Variants in CRTC1 observed in about 807,000 individuals in gnomAD.
The protein encoded by CRTC1 is CREB regulated transcription coactivator 1.
CRTC1 carries 18 observed loss-of-function variants against 66.1 expected under a neutral mutation model. The ratio of observed to expected loss-of-function variants is 0.27; its 90% CI spans 0.19 to 0.40. CRTC1 has a LOEUF of 0.40. Among genes scored for constraint, CRTC1 ranks in the 10% least tolerant of loss-of-function variants. The probability of loss-of-function intolerance (pLI) is 1.00; values close to 1 mark genes in which losing one functional copy is unlikely to be tolerated. For synonymous variants in CRTC1, 416 were observed against 398.8 expected, an observed-to-expected ratio of 1.04 and a Z score of -0.51; for missense variants, 669 against 887.9, an observed-to-expected ratio of 0.75 and a Z score of 3.13.
chr19:18,707,615 A>AT (rs36035346), intron 1 of CRTC1, among the ~76,000 whole-genome samples: 12,533 of 152,030 alleles, frequency 0.082, 713 homozygotes, highest in Non-Finnish European at 0.12. Context: ...TTTAGGGTGG[A>AT]TTTTTTTCTA....
rs574050830 is a variant in CRTC1 at position 18,771,962 on chromosome 19, C to G, written c.1425+416C>G. 6.6e-6 allele frequency among the ~76,000 whole-genome samples: 1 copy of G among 152,328 alleles called. No individual in the cohort carries two copies. The highest frequency in any genetic ancestry group is 6.5e-5 in the Admixed American group (1 of 15,308). On this transcript the variant is annotated intron_variant, in intron 11 of 13. Coordinates refer to ENST00000321949, the MANE Select transcript of CRTC1 (RefSeq NM_015321.3). This position sits in a 1 kb window ranked among gnomAD's most constrained non-coding sequence, Gnocchi z 4.6. ...GGCTGGCCCGCCCGCAGGGAAGGCG[C>G]TGACTCTGCAGCCCTGCTTTCCCCT...
At chr19:18,759,956 G>GCCAGCCCCCTGTTCCCGCCA in intron 7 of CRTC1, 52 bp from the exon 8 acceptor site, 1 of 1,221,322 alleles carries the variant, frequency 8.2e-7, no homozygotes, top group South Asian at 1.4e-5. Flanking sequence ...TGTCCCCGCC[G>GCCAGCCCCCTGTTCCCGCCA]CCAGCCCCGC....
chr19:18,690,856 T>C (rs1315774406), intron 1 of CRTC1, among the ~76,000 whole-genome samples: 2 of 151,760 alleles, frequency 1.3e-5, no homozygotes, highest in African/African-American at 4.8e-5. Flanking sequence ...AAGCCCCGTC[T>C]CTACTAAAAA....
intron 2 of CRTC1, among the ~76,000 whole-genome samples, chr19:18,743,792 C>T (rs556575042): frequency 1.1e-3 from 162 of 152,376 alleles, no homozygotes; most frequent in African/African-American, 3.8e-3. Context: ...CTGGCCACCA[C>T]GGTGCGCCTC....
chr19:18,748,664 TAC>T (rs1179175149), intron 4 of CRTC1, among the ~76,000 whole-genome samples: 1 of 147,906 alleles, frequency 6.8e-6, no homozygotes, highest in African/African-American at 2.5e-5. Flanking sequence ...CATGCCACTG[TAC>T]ACCAGCCTGG....
rs1036402719 is a variant in CRTC1 at position 18,719,491 on chromosome 19, G to C, written c.127-23419G>C. On this transcript the variant is annotated intron_variant, in intron 1 of 13. Coordinates refer to ENST00000321949, the MANE Select transcript of CRTC1 (RefSeq NM_015321.3). ...TCCAAATCACAAAATGACTTTTGGT[G>C]TTATGTAACTCCATAGTCAAGCTAT... Among the ~76,000 whole-genome samples, 3 of 152,348 alleles carry C rather than the reference G, an allele frequency of 2.0e-5. No individual in the cohort carries two copies. The South Asian group carries it at 6.2e-4, about 32-fold the overall frequency.
intron 2 of CRTC1, among the ~76,000 whole-genome samples, 178 bp downstream of exon 2, chr19:18,743,204 C>T (rs2054148931): frequency 6.6e-6 from 1 of 152,248 alleles, no homozygotes; most frequent in South Asian, 2.1e-4. Flanking sequence ...CACCAGGGTG[C>T]CCCCGCAGCC....
intron 7 of CRTC1, 60 bp from the exon 8 acceptor site, chr19:18,759,948 T>TCCCCCCCCCCC: frequency 7.5e-7 from 1 of 1,328,594 alleles, no homozygotes; most frequent in Non-Finnish European, 1.0e-6. Context: ...CAGCCCCCTG[T>TCCCCCCCCCCC]CCCCGCCGCC....
chr19:18,760,260 G>A lies in CRTC1; in HGVS notation c.886+32G>A, dbSNP rs1467865250. On this transcript the variant is annotated intron_variant, in intron 8 of 13. Coordinates refer to ENST00000321949, the MANE Select transcript of CRTC1 (RefSeq NM_015321.3). The surrounding 1 kb of genome is among the most constrained non-coding windows in gnomAD (Gnocchi z 6.2). The stretch of plus-strand genomic sequence containing the variant: ...CAGGGACACTCCGCCCTCGGACAGA[G>A]CACTGGCTTGTGGAGACAACACGGG... 2.0e-6 allele frequency: 3 copies of A among 1,515,210 alleles called. No homozygotes were observed. Among genetic ancestry groups the A allele is most frequent in the East Asian group, 2.4e-5 (1 of 41,218 alleles). 93.9% of individuals were successfully genotyped at this position (1,515,210 alleles called of 1,614,324 possible).
intron 6 of CRTC1, among the ~76,000 whole-genome samples, chr19:18,758,734 G>A (rs1035246325): frequency 6.6e-6 from 1 of 152,200 alleles, no homozygotes; most frequent in African/African-American, 2.4e-5. Flanking sequence ...AGGGCATCAG[G>A]TCCAAGCTTC....
chr19:18,712,483 C>T (rs2053414355), intron 1 of CRTC1, among the ~76,000 whole-genome samples: 1 of 151,474 alleles, frequency 6.6e-6, no homozygotes. Flanking sequence ...TGGTCTAGAA[C>T]TCCTGACCTC....
chr19:18,767,781 A>G (rs920563971), intron 9 of CRTC1, among the ~76,000 whole-genome samples: 1 of 152,096 alleles, frequency 6.6e-6, no homozygotes, highest in African/African-American at 2.4e-5. Context: ...TCTCTTCACA[A>G]ATGACCCACT....
intron 1 of CRTC1, among the ~76,000 whole-genome samples, chr19:18,739,987 T>A (rs1003076149): frequency 6.6e-5 from 10 of 152,094 alleles, no homozygotes; most frequent in Non-Finnish European, 1.3e-4. Flanking sequence ...GTGTGGTGGC[T>A]CACACCTGTA....
chr19:18,752,241 G>A (rs2054380611), intron 5 of CRTC1, among the ~76,000 whole-genome samples: 1 of 152,118 alleles, frequency 6.6e-6, no homozygotes, highest in Admixed American at 6.5e-5. Flanking sequence ...GTAGCCTGAC[G>A]CCTCTGAGGC....
rs139988956 is a variant in CRTC1, at chr19:18,760,246, C to T, written c.886+18C>T. ...CGGCCAGGGTAAGGCAGGGACACTC[C>T]GCCCTCGGACAGAGCACTGGCTTGT... On this transcript the variant is annotated intron_variant, in intron 8 of 13. Transcript: ENST00000321949. This position sits in a 1 kb window ranked among gnomAD's most constrained non-coding sequence, Gnocchi z 6.2. The T allele has an allele frequency of 1.3e-4, 209 of 1,554,378 alleles. No homozygotes were observed. The East Asian group carries it at 1.5e-3, about 11-fold the overall frequency.
At position 18,760,885 on chromosome 19, in the gene CRTC1, G is replaced by A. The variant is rs1402350162; in HGVS notation, c.886+657G>A. Among the ~76,000 whole-genome samples, 1 of 151,860 alleles carries A rather than the reference G, an allele frequency of 6.6e-6. No individual in the cohort carries two copies. Among genetic ancestry groups the A allele is most frequent in the Non-Finnish European group, 1.5e-5 (1 of 67,932 alleles). On this transcript the variant is annotated intron_variant, in intron 8 of 13. Coordinates refer to ENST00000321949, the MANE Select transcript of CRTC1 (RefSeq NM_015321.3). This position sits in a 1 kb window ranked among gnomAD's most constrained non-coding sequence, Gnocchi z 6.2. ...GCGTGTCCTGTCGGTTCCGCCCTCAGGACCTGGCCTGACCTGGCTCCTCTC... is the reference window on the plus strand; with the variant it reads ...GCGTGTCCTGTCGGTTCCGCCCTCAAGACCTGGCCTGACCTGGCTCCTCTC...
intron 11 of CRTC1, among the ~76,000 whole-genome samples, chr19:18,773,642 G>A (rs1026723520): frequency 2.0e-5 from 3 of 152,190 alleles, no homozygotes; most frequent in Non-Finnish European, 2.9e-5. Context: ...GCAAGCTTGC[G>A]GTCCTTGTTT....
At position 18,777,459 on chromosome 19, in the gene CRTC1, T is replaced by C. The variant is rs1382341170; in HGVS notation, c.*77T>C. 2 of 1,321,800 alleles carry C rather than the reference T, an allele frequency of 1.5e-6. No homozygotes were observed. The highest frequency in any genetic ancestry group is 1.2e-5 in the South Asian group (1 of 85,218). The allele number at this position is 1,321,800 out of a possible 1,614,324, so 81.9% of individuals were successfully genotyped here. A position where few individuals can be genotyped will look rare whatever the true frequency, so the allele number is the denominator to read the frequency against. ...CCCGGGGACGGCCGTGCTCCGTCCC[T>C]CGCCAACGGCCGAGCTTGTGATTCT... On this transcript the variant is annotated 3_prime_UTR_variant, in exon 14 of 14. Coordinates refer to ENST00000321949, the MANE Select transcript of CRTC1 (RefSeq NM_015321.3). The surrounding 1 kb of genome is among the most constrained non-coding windows in gnomAD (Gnocchi z 5.5).
chr19:18,721,359 A>G (rs2053626116), intron 1 of CRTC1, among the ~76,000 whole-genome samples: 1 of 151,568 alleles, frequency 6.6e-6, no homozygotes, highest in African/African-American at 2.4e-5. Flanking sequence ...ATGCCCGGCT[A>G]ATTTTTTGTA....
Sources: allele counts gnomAD v4.1 joint callset (sites outside exome capture counted in the v4.1 genomes callset), GRCh38; gene constraint gnomAD v4.1.1; non-coding constraint Gnocchi (gnomAD v3.1); transcripts MANE v1.5; gene names NCBI Gene and HGNC (gene_info 2026-07-23, HGNC 2026-07-21).